Variants in EDA observed in about 807,000 individuals in gnomAD.
The protein encoded by EDA is ectodysplasin-A.
Under a neutral mutation model 23.6 loss-of-function variants are expected in EDA, and 2 were observed. That is an observed-to-expected ratio of 0.08 (90% CI 0.03 to 0.27). EDA has a LOEUF of 0.27. EDA is among the 10% of genes least tolerant of loss of function. The probability of loss-of-function intolerance (pLI) is 1.00; values close to 1 mark genes in which losing one functional copy is unlikely to be tolerated. For missense variants in EDA, 229 were observed against 324.2 expected (o/e 0.71, Z 2.26); for synonymous variants, 131 against 132.0 (o/e 0.99, Z 0.05).
chrX:69,915,831 A>G (rs776342894), intron 1 of EDA, among the ~76,000 whole-genome samples: 1 of 111,238 alleles, frequency 9.0e-6, no homozygotes, highest in South Asian at 3.8e-4. Flanking sequence ...GAAGCACGTA[A>G]CAGTAGAATC....
At chrX:69,917,522 TTTGTG>T in intron 1 of EDA, among the ~76,000 whole-genome samples, 1 of 111,609 alleles carries the variant, frequency 9.0e-6, no homozygotes, top group East Asian at 2.8e-4. Context: ...ACTCCTAGTG[TTTGTG>T]TTAACAGGTA....
chrX:69,815,981 A>G (rs934596158), intron 1 of EDA, among the ~76,000 whole-genome samples: 4 of 111,445 alleles, frequency 3.6e-5, no homozygotes, highest in Non-Finnish European at 5.7e-5. Flanking sequence ...GGATGGAGCT[A>G]CCAGAGGAAG....
chrX:69,616,259 G>A lies in EDA; in HGVS notation c.-50G>A, dbSNP rs1342391759. Reference sequence around the variant, plus strand: ...CTGTCAGAGGTCGTGAACGGCTGAGGCAGACGCAGCGGCTCCCGGGCCTCA... The same window carrying A: ...CTGTCAGAGGTCGTGAACGGCTGAGACAGACGCAGCGGCTCCCGGGCCTCA... On this transcript the variant is annotated 5_prime_UTR_variant, in exon 1 of 8. Coordinates refer to ENST00000374552, the MANE Select transcript of EDA (RefSeq NM_001399.5). 3 of 1,152,067 alleles carry A rather than the reference G, an allele frequency of 2.6e-6. No individual in the cohort carries two copies. Among genetic ancestry groups the A allele is most frequent in the African/African-American group, 3.5e-5 (2 of 56,503 alleles). The allele number at this position is 1,152,067 out of a possible 1,213,427, so 94.9% of individuals were successfully genotyped here. A position where few individuals can be genotyped will look rare whatever the true frequency, so the allele number is the denominator to read the frequency against.
At chrX:69,715,037 A>AG (rs1329200869) in intron 1 of EDA, among the ~76,000 whole-genome samples, 2 of 100,734 alleles carry the variant, frequency 2.0e-5, no homozygotes, top group Non-Finnish European at 4.0e-5. Context: ...CTATCTATTT[A>AG]GGTCTTTTAA....
chrX:69,821,600 T>C (rs1265438716), intron 1 of EDA, among the ~76,000 whole-genome samples: 2 of 111,716 alleles, frequency 1.8e-5, no homozygotes, highest in African/African-American at 6.5e-5. Context: ...AACTTTAATA[T>C]TAGCACAAAA....
intron 1 of EDA, among the ~76,000 whole-genome samples, chrX:69,898,577 C>T (rs186355279): frequency 3.2e-4 from 35 of 110,809 alleles, no homozygotes; most frequent in African/African-American, 8.8e-4. Context: ...AGCGAGACTC[C>T]GTCTAAATAG....
chrX:69,751,121 T>A (rs1260276591), intron 1 of EDA, among the ~76,000 whole-genome samples: 2 of 109,462 alleles, frequency 1.8e-5, no homozygotes, highest in Non-Finnish European at 3.8e-5. Flanking sequence ...CTGAATGGTA[T>A]TGCCTAGGTT....
At chrX:69,784,808 G>T (rs1339568509) in intron 1 of EDA, among the ~76,000 whole-genome samples, 1 of 108,322 alleles carries the variant, frequency 9.2e-6, no homozygotes, top group Non-Finnish European at 1.9e-5. Context: ...CTTTAAAGTA[G>T]TTTTTTCCAG....
intron 1 of EDA, among the ~76,000 whole-genome samples, chrX:69,846,820 G>A (rs1009537680): frequency 9.0e-6 from 1 of 111,566 alleles, no homozygotes; most frequent in African/African-American, 3.3e-5. Context: ...TGACTCCTTC[G>A]GTGTACTAAA....
At chrX:69,860,751 T>A in intron 1 of EDA, 1 of 509,207 alleles carries the variant, frequency 2.0e-6, no homozygotes, top group Non-Finnish European at 3.5e-6. Context: ...TCTCTGCATT[T>A]CCTTTATTTG....
intron 1 of EDA, among the ~76,000 whole-genome samples, chrX:69,888,896 C>T (rs1026933991): frequency 1.1e-5 from 1 of 92,261 alleles, no homozygotes; most frequent in Non-Finnish European, 2.1e-5. Flanking sequence ...CATGGCGGTA[C>T]AAATATCTGT....
chrX:70,005,232 G>C (rs901580230), intron 2 of EDA, among the ~76,000 whole-genome samples: 27 of 112,156 alleles, frequency 2.4e-4, no homozygotes, highest in African/African-American at 8.4e-4. Context: ...ACTATAAATT[G>C]ATAGAATTAT....
intron 1 of EDA, among the ~76,000 whole-genome samples, chrX:69,721,545 C>T (rs1198333160): frequency 9.0e-6 from 1 of 111,201 alleles, no homozygotes; most frequent in Non-Finnish European, 1.9e-5. Flanking sequence ...CTTCCCCTGT[C>T]TGCTCATTGC....
intron 7 of EDA, among the ~76,000 whole-genome samples, chrX:70,034,472 C>T (rs2041702090): frequency 8.9e-6 from 1 of 111,764 alleles, no homozygotes; most frequent in Admixed American, 9.4e-5. Context: ...GTCCCAACAC[C>T]CATGGGGCAC....
Position 69,711,369 on chromosome X carries a change from T to C in EDA, c.396+94665T>C, listed in dbSNP as rs2012023046. Reference sequence around the variant, plus strand: ...CACTTGATCATGGTGGATAAGCTTTTTGATGTGCTGCTGGATTCAGTTTGC... The same window carrying C: ...CACTTGATCATGGTGGATAAGCTTTCTGATGTGCTGCTGGATTCAGTTTGC... On this transcript the variant is annotated intron_variant, in intron 1 of 7. Transcript: ENST00000374552. Among the ~76,000 whole-genome samples, 6 of 111,681 alleles carry C rather than the reference T, an allele frequency of 5.4e-5. No individual in the cohort carries two copies. The South Asian group carries it at 2.3e-3, about 42-fold the overall frequency.
chrX:69,827,446 C>A (rs903286675), intron 1 of EDA, among the ~76,000 whole-genome samples: 8 of 111,463 alleles, frequency 7.2e-5, no homozygotes, highest in Admixed American at 2.9e-4. Flanking sequence ...TCATTTCATT[C>A]ATTTCATCTT....
chrX:69,654,311 G>T (rs1267308024), intron 1 of EDA, among the ~76,000 whole-genome samples: 1 of 111,644 alleles, frequency 9.0e-6, no homozygotes, highest in African/African-American at 3.3e-5. Flanking sequence ...GTGCTGGAGA[G>T]GATGTGGAGA....
At chrX:69,732,920 A>T (rs1255091350) in intron 1 of EDA, among the ~76,000 whole-genome samples, 2 of 110,912 alleles carry the variant, frequency 1.8e-5, no homozygotes, top group Admixed American at 1.9e-4. Context: ...GTCTGTTCAT[A>T]TCCTTTGCCC....
chrX:69,780,781 A>C (rs1327878521), intron 1 of EDA, among the ~76,000 whole-genome samples: 1 of 110,951 alleles, frequency 9.0e-6, no homozygotes, highest in Non-Finnish European at 1.9e-5. Context: ...CCTTCCACCA[A>C]GACTGTAAGT....
Sources: gnomAD v4.1 joint callset for allele counts (sites outside exome capture counted in the v4.1 genomes callset) on GRCh38, gnomAD v4.1.1 for gene constraint, MANE v1.5 for transcripts, NCBI Gene and HGNC (gene_info 2026-07-23, HGNC 2026-07-21) for gene names.